TBK1: variants seen among roughly 807,000 people sequenced by gnomAD.
TBK1 encodes serine/threonine-protein kinase TBK1.
Under a neutral mutation model 99.9 loss-of-function variants are expected in TBK1, and 37 were observed. The observed-to-expected ratio is 0.37, with a 90% CI of 0.28 to 0.49. TBK1 has a LOEUF of 0.49. Among genes scored for constraint, TBK1 ranks in the 20% least tolerant of loss-of-function variants. The pLI, the probability that TBK1 is intolerant of heterozygous loss-of-function variation, is 0.98. For missense variants in TBK1, 644 were observed against 872.5 expected (o/e 0.74, Z 3.30); for synonymous variants, 258 against 279.8 (o/e 0.92, Z 0.78).
intron 11 of TBK1, among the ~76,000 whole-genome samples, chr12:64,487,122 C>T (rs1282708638): frequency 3.3e-5 from 5 of 152,042 alleles, no homozygotes; most frequent in Admixed American, 3.3e-4. Flanking sequence ...GTAATTTTTA[C>T]CTGTTTTTTA....
At chr12:64,476,161 T>C (rs1366845550) in intron 6 of TBK1, among the ~76,000 whole-genome samples, 3 of 135,874 alleles carry the variant, frequency 2.2e-5, no homozygotes, top group South Asian at 2.5e-4. Context: ...TTTTTTTTTT[T>C]TTTTTTTTTT....
At chr12:64,471,229 G>A (rs1437717658) in intron 5 of TBK1, among the ~76,000 whole-genome samples, 1 of 151,954 alleles carries the variant, frequency 6.6e-6, no homozygotes, top group Non-Finnish European at 1.5e-5. Flanking sequence ...GAGTGCAGTG[G>A]CATAATCTCA....
intron 1 of TBK1, 198 bp downstream of exon 1, chr12:64,452,385 C>T (rs976379774): frequency 6.6e-6 from 1 of 152,270 alleles, no homozygotes; most frequent in African/African-American, 2.4e-5. Context: ...TGCGTGGACA[C>T]TGCCTCTGGG....
chr12:64,478,720 C>G (rs908665149), intron 6 of TBK1, among the ~76,000 whole-genome samples: 1 of 152,124 alleles, frequency 6.6e-6, no homozygotes, highest in Non-Finnish European at 1.5e-5. Context: ...TCCTATTGAG[C>G]CTGCTTTATG....
chr12:64,476,150 C>CTTTTTTTT (rs59104364), intron 6 of TBK1, among the ~76,000 whole-genome samples: 8 of 51,862 alleles, frequency 1.5e-4, no homozygotes, highest in Non-Finnish European at 1.4e-4. Context: ...GCGTAGTCTT[C>CTTTTTTTT]TTTTTTTTTT....
At chr12:64,496,312 GT>G in intron 15 of TBK1, 54 bp from the exon 16 acceptor site, 1 of 864,054 alleles carries the variant, frequency 1.2e-6, no homozygotes, top group South Asian at 1.8e-5. Flanking sequence ...AAAATACATT[GT>G]GTATAATATT....
chr12:64,476,328 T>G (rs993870158), intron 6 of TBK1, among the ~76,000 whole-genome samples: 20 of 151,822 alleles, frequency 1.3e-4, no homozygotes, highest in African/African-American at 4.4e-4. Flanking sequence ...CGGCTAATTT[T>G]TTGTATTTTT....
At position 64,497,234 on chromosome 12, in the gene TBK1, C is replaced by A; in HGVS notation, c.1934C>A (p.Ser645Ter). 2 of 1,592,840 alleles carry A rather than the reference C, an allele frequency of 1.3e-6. No individual in the cohort carries two copies. The highest frequency in any genetic ancestry group is 1.1e-5 in the South Asian group (1 of 88,414). The stretch of plus-strand genomic sequence containing the variant: ...TGTTTTGATATTGAAGAAGAAGTAT[C>A]AAAATATCAAGAATATACTAATGAG... ...NQCFDIEEEV[S>*]KYQEYTNELQ... The change falls in exon 18 of 21, where the codon TCA becomes TAA. Residue 645 changes from serine to a stop codon, truncating the protein, a stop_gained. Transcript: ENST00000331710. LOFTEE classifies it high-confidence loss of function.
intron 6 of TBK1, among the ~76,000 whole-genome samples, chr12:64,477,627 ATTTGAATGCC>A (rs1226453733): frequency 6.6e-6 from 1 of 152,116 alleles, no homozygotes; most frequent in Admixed American, 6.6e-5. Flanking sequence ...CTGTTTTCCT[ATTTGAATGCC>A]TTTTATTTTT....
intron 3 of TBK1, among the ~76,000 whole-genome samples, chr12:64,462,651 A>T (rs1319267528): frequency 6.6e-6 from 1 of 152,114 alleles, no homozygotes; most frequent in Non-Finnish European, 1.5e-5. Flanking sequence ...AGAGTAATTT[A>T]AAATATTTTA....
intron 4 of TBK1, among the ~76,000 whole-genome samples, chr12:64,465,082 A>G (rs1004246976): frequency 4.7e-5 from 7 of 149,080 alleles, no homozygotes; most frequent in African/African-American, 1.7e-4. Flanking sequence ...TGTCTCTACA[A>G]AAAATAAAAT....
Position 64,499,615 on chromosome 12 carries a change from G to C in TBK1, c.2138+1576G>C, listed in dbSNP as rs79666850. 1.4e-3 allele frequency among the ~76,000 whole-genome samples: 210 copies of C among 146,946 alleles called. 1 individual carries two copies. The highest frequency in any genetic ancestry group is 5.0e-3 in the African/African-American group (200 of 39,860). ...AATTATCTAACTTTTATAGTATCCA[G>C]TTTACAGTTTCTTCAGAACTTTAGC... On this transcript the variant is annotated intron_variant, in intron 20 of 20. Coordinates refer to ENST00000331710, the MANE Select transcript of TBK1 (RefSeq NM_013254.4).
intron 13 of TBK1, 88 bp downstream of exon 13, chr12:64,490,207 G>A (rs1342651964): frequency 4.3e-6 from 4 of 930,792 alleles, no homozygotes; most frequent in Non-Finnish European, 4.9e-6. Flanking sequence ...TAGGAGCTAG[G>A]CATGGTAGTA....
intron 20 of TBK1, among the ~76,000 whole-genome samples, 185 bp downstream of exon 20, chr12:64,498,224 A>G (rs1177305997): frequency 6.6e-6 from 1 of 152,226 alleles, no homozygotes; most frequent in Non-Finnish European, 1.5e-5. Flanking sequence ...TCCATTTTAT[A>G]GAAGCACTGG....
chr12:64,490,275 G>A (rs1283858888), intron 13 of TBK1, among the ~76,000 whole-genome samples, 156 bp downstream of exon 13: 3 of 152,142 alleles, frequency 2.0e-5, no homozygotes, highest in Non-Finnish European at 4.4e-5. Context: ...TTGAGCTGAG[G>A]CATTAAAAGC....
chr12:64,487,189 C>T (rs1044648781), intron 11 of TBK1, among the ~76,000 whole-genome samples: 7 of 152,106 alleles, frequency 4.6e-5, no homozygotes, highest in African/African-American at 1.4e-4. Context: ...AATACATTAT[C>T]TCTTTTGGAA....
chr12:64,489,885 T>G (rs531272677), intron 12 of TBK1, among the ~76,000 whole-genome samples, 156 bp from the exon 13 acceptor site: 2 of 147,470 alleles, frequency 1.4e-5, no homozygotes, highest in East Asian at 2.0e-4. Flanking sequence ...CGGCATCAGG[T>G]TTTTTTTTTA....
intron 5 of TBK1, among the ~76,000 whole-genome samples, chr12:64,472,918 G>A (rs184672802): frequency 5.3e-5 from 8 of 152,324 alleles, no homozygotes; most frequent in African/African-American, 9.6e-5. Context: ...TATGTCCTAT[G>A]TGTAAGGACG....
Position 64,495,570 on chromosome 12 carries a change from G to A in TBK1, c.1609G>A (p.Ala537Thr). The A allele has an allele frequency of 6.2e-7, 1 of 1,614,062 alleles. No individual in the cohort carries two copies. Among genetic ancestry groups the A allele is most frequent in the Non-Finnish European group, 8.5e-7 (1 of 1,179,954 alleles). ...SPGGSLADAW[A>T]HQEGTHPKDR... Reference sequence around the variant, plus strand: ...AGGTGGATCACTGGCAGACGCATGGGCACATCAAGAAGGCACTCATCCGAA... The same window carrying A: ...AGGTGGATCACTGGCAGACGCATGGACACATCAAGAAGGCACTCATCCGAA... The change falls in exon 14 of 21, where the codon GCA (alanine) becomes ACA (threonine). Residue 537 changes from alanine to threonine, a missense_variant. Coordinates refer to ENST00000331710, the MANE Select transcript of TBK1 (RefSeq NM_013254.4).
Sources: allele counts gnomAD v4.1 joint callset (sites outside exome capture counted in the v4.1 genomes callset), GRCh38; gene constraint gnomAD v4.1.1; transcripts MANE v1.5; gene names NCBI Gene and HGNC (gene_info 2026-07-23, HGNC 2026-07-21).